TMC1: variants seen among roughly 807,000 people sequenced by gnomAD.
The protein encoded by TMC1 is transmembrane channel-like protein 1.
TMC1 carries 84 observed loss-of-function variants against 105.8 expected under a neutral mutation model. That is an observed-to-expected ratio of 0.79 (90% CI 0.67 to 0.95). The LOEUF (loss-of-function observed/expected upper bound fraction) is 0.95. Ranked by LOEUF, TMC1 falls within the 40% of genes least tolerant of loss-of-function variation. The pLI is 0.00. For synonymous variants in TMC1, 315 were observed against 311.5 expected (o/e 1.01, Z -0.12); for missense variants, 817 against 914.1 (o/e 0.89, Z 1.37).
chr9:72,567,812 T>A (rs538180089), intron 1 of TMC1, among the ~76,000 whole-genome samples: 4 of 152,328 alleles, frequency 2.6e-5, no homozygotes, highest in African/African-American at 9.6e-5. Flanking sequence ...AAGGCACTCA[T>A]GTAGTCTTAT....
At chr9:72,595,882 T>C (rs1218302531) in intron 2 of TMC1, among the ~76,000 whole-genome samples, 4 of 149,732 alleles carry the variant, frequency 2.7e-5, no homozygotes, top group African/African-American at 9.8e-5. Flanking sequence ...CTTTTTTTTT[T>C]TTTTTTCTTT....
chr9:72,832,934 C>G (rs1372973305), intron 23 of TMC1, among the ~76,000 whole-genome samples: 1 of 152,112 alleles, frequency 6.6e-6, no homozygotes, highest in African/African-American at 2.4e-5. Context: ...CTCCCCTGCA[C>G]TCAAATACCC....
At chr9:72,560,621 C>T (rs1461973319) in intron 1 of TMC1, among the ~76,000 whole-genome samples, 7 of 152,100 alleles carry the variant, frequency 4.6e-5, no homozygotes, top group African/African-American at 1.2e-4. Flanking sequence ...GCCTCAGCCT[C>T]CTAAATAGCT....
chr9:72,763,378 G>A (rs190510041), intron 12 of TMC1, among the ~76,000 whole-genome samples: 57 of 152,224 alleles, frequency 3.7e-4, no homozygotes, highest in Middle Eastern at 3.4e-3. Context: ...CATAAAGTCC[G>A]AGGGAGTAGT....
At chr9:72,602,124 A>G (rs536174505) in intron 2 of TMC1, among the ~76,000 whole-genome samples, 3 of 152,222 alleles carry the variant, frequency 2.0e-5, no homozygotes, top group Admixed American at 2.0e-4. Flanking sequence ...ATTTTGGAGA[A>G]TTTCAGATTT....
At position 72,837,963 on chromosome 9, in the gene TMC1, T is replaced by C. The variant is rs1396048075; in HGVS notation, c.*1990T>C. 6.6e-6 allele frequency: 1 copy of C among 152,256 alleles called. No individual in the cohort carries two copies. Among genetic ancestry groups the C allele is most frequent in the African/African-American group, 2.4e-5 (1 of 41,472 alleles). The allele number at this position is 152,256 out of a possible 1,614,324, so 9.4% of individuals were successfully genotyped here. A position where few individuals can be genotyped will look rare whatever the true frequency, so the allele number is the denominator to read the frequency against. ...AGTCTATTATTTATATTGATTTTCA[T>C]GTGACTTGTAATGGTTCCTTATTAT... On this transcript the variant is annotated 3_prime_UTR_variant, in exon 24 of 24. Transcript: ENST00000297784.
chr9:72,806,244 C>T (rs1393011589), intron 18 of TMC1, among the ~76,000 whole-genome samples: 35 of 146,004 alleles, frequency 2.4e-4, no homozygotes, highest in South Asian at 4.3e-4. Flanking sequence ...ACCTCCCTCC[C>T]GGATGGGGCG....
rs576283010 is a variant in TMC1, at chr9:72,725,678, C to T, written c.363-14441C>T. On this transcript the variant is annotated intron_variant, in intron 8 of 23. Transcript: ENST00000297784. ...GCATCTGCCTTCCCCAGCCCACTGACTCAAATGTTAATCTCTCTCTCTTTT... is the reference window on the plus strand; with the variant it reads ...GCATCTGCCTTCCCCAGCCCACTGATTCAAATGTTAATCTCTCTCTCTTTT... Among the ~76,000 whole-genome samples, 5 of 151,930 alleles carry T rather than the reference C, an allele frequency of 3.3e-5. No homozygotes were observed. In the South Asian group the frequency reaches 1.0e-3, roughly 32 times the overall value.
intron 12 of TMC1, among the ~76,000 whole-genome samples, chr9:72,767,088 C>A (rs931365078): frequency 4.6e-5 from 7 of 152,204 alleles, no homozygotes; most frequent in African/African-American, 1.7e-4. Context: ...CAGTCCTTGT[C>A]TTTCATCCAC....
At chr9:72,826,848 C>T (rs1828964217) in intron 20 of TMC1, 21 bp from the exon 21 acceptor site, 3 of 1,613,290 alleles carry the variant, frequency 1.9e-6, no homozygotes, top group Non-Finnish European at 2.5e-6. Context: ...AAACTTATCT[C>T]CCCCTTTTTA....
At chr9:72,522,319 T>C (rs1190251946) in intron 1 of TMC1, among the ~76,000 whole-genome samples, 4 of 152,288 alleles carry the variant, frequency 2.6e-5, no homozygotes, top group Middle Eastern at 3.4e-3. Context: ...GCCAGGATGG[T>C]CTCGATTTCC....
intron 2 of TMC1, among the ~76,000 whole-genome samples, chr9:72,610,719 G>A (rs908675386): frequency 6.6e-6 from 1 of 152,184 alleles, no homozygotes; most frequent in Non-Finnish European, 1.5e-5. Flanking sequence ...TGGGCACCCT[G>A]TTACCCAGTC....
intron 2 of TMC1, among the ~76,000 whole-genome samples, chr9:72,601,066 G>A (rs983822421): frequency 6.6e-6 from 1 of 152,170 alleles, no homozygotes; most frequent in Non-Finnish European, 1.5e-5. Context: ...TGGGTGCAGA[G>A]GCTTATTCCT....
intron 4 of TMC1, among the ~76,000 whole-genome samples, chr9:72,632,545 G>A (rs1229336825): frequency 6.6e-6 from 1 of 152,130 alleles, no homozygotes. Flanking sequence ...AGAGGACAGA[G>A]AATGGAGTTC....
intron 18 of TMC1, among the ~76,000 whole-genome samples, chr9:72,811,426 A>G (rs188818168): frequency 2.6e-5 from 4 of 152,310 alleles, no homozygotes; most frequent in Non-Finnish European, 2.9e-5. Flanking sequence ...AGAAGAGTTC[A>G]TGAGGAGTAG....
intron 13 of TMC1, among the ~76,000 whole-genome samples, chr9:72,777,654 GA>G (rs1588078572): frequency 6.6e-6 from 1 of 152,164 alleles, no homozygotes; most frequent in East Asian, 1.9e-4. Context: ...ACTACTCTAT[GA>G]ATTGCATCTA....
intron 8 of TMC1, among the ~76,000 whole-genome samples, chr9:72,737,625 AC>A (rs1827322162): frequency 6.6e-6 from 1 of 152,058 alleles, no homozygotes; most frequent in African/African-American, 2.4e-5. Context: ...CTGGATTAGA[AC>A]CCAACTTGCT....
At chr9:72,580,663 C>G (rs1023070642) in intron 2 of TMC1, among the ~76,000 whole-genome samples, 3 of 152,030 alleles carry the variant, frequency 2.0e-5, no homozygotes, top group South Asian at 4.1e-4. Context: ...TTGATATATA[C>G]CACAACTGAG....
At chr9:72,660,755 A>G (rs1825958805) in intron 5 of TMC1, among the ~76,000 whole-genome samples, 1 of 152,284 alleles carries the variant, frequency 6.6e-6, no homozygotes, top group East Asian at 1.9e-4. Context: ...AAGTATCCCA[A>G]GTTTGTATCC....
Sources: allele counts gnomAD v4.1 joint callset (sites outside exome capture counted in the v4.1 genomes callset), GRCh38; gene constraint gnomAD v4.1.1; transcripts MANE v1.5; gene names NCBI Gene and HGNC (gene_info 2026-07-23, HGNC 2026-07-21).